Variants in CFAP20DC observed in about 807,000 individuals in gnomAD.
CFAP20DC encodes CFAP20 domain containing, also known as protein CFAP20DC.
In CFAP20DC, 84 loss-of-function variants were observed where a neutral mutation model predicts 101.7. The observed-to-expected ratio is 0.83, with a 90% CI of 0.69 to 0.99. The LOEUF (loss-of-function observed/expected upper bound fraction) is 0.99, where lower values mean the gene tolerates loss of function less well. CFAP20DC is among the 50% of genes least tolerant of loss of function. CFAP20DC has a pLI of 0.00. For missense variants in CFAP20DC, 1,007 were observed against 970.3 expected (o/e 1.04, Z -0.50); for synonymous variants, 359 against 351.2 (o/e 1.02, Z -0.25).
intron 15 of CFAP20DC, among the ~76,000 whole-genome samples, chr3:58,767,511 A>T (rs2070429282): frequency 6.6e-6 from 1 of 152,192 alleles, no homozygotes; most frequent in African/African-American, 2.4e-5. Context: ...TCAAGAAGGG[A>T]TCTTAAAATA....
intron 15 of CFAP20DC, among the ~76,000 whole-genome samples, chr3:58,783,673 G>A (rs573547621): frequency 6.6e-6 from 1 of 151,898 alleles, no homozygotes; most frequent in Non-Finnish European, 1.5e-5. Flanking sequence ...CATACAAACG[G>A]CCAACAGATA....
intron 12 of CFAP20DC, among the ~76,000 whole-genome samples, chr3:58,855,363 A>C (rs1254813183): frequency 6.6e-6 from 1 of 152,174 alleles, no homozygotes; most frequent in East Asian, 1.9e-4. Flanking sequence ...ATGTGGAGAA[A>C]TAGGAACACT....
At chr3:58,847,619 G>A (rs2077793404) in intron 13 of CFAP20DC, among the ~76,000 whole-genome samples, 1 of 151,928 alleles carries the variant, frequency 6.6e-6, no homozygotes, top group Non-Finnish European at 1.5e-5. Flanking sequence ...CCATTCCTCA[G>A]GGATCTAGAA....
intron 5 of CFAP20DC, among the ~76,000 whole-genome samples, chr3:58,927,830 A>G (rs1188337021): frequency 1.3e-5 from 2 of 152,158 alleles, no homozygotes; most frequent in African/African-American, 4.8e-5. Context: ...TCTCTGGAGA[A>G]ATTTCCCCTA....
chr3:58,842,189 G>A (rs77225893), intron 13 of CFAP20DC, among the ~76,000 whole-genome samples: 8,505 of 152,138 alleles, frequency 0.056, 508 homozygotes, highest in East Asian at 0.35. Context: ...GAACAGCTCC[G>A]GTCTACAGCT....
chr3:58,809,085 A>G (rs2074375033), intron 14 of CFAP20DC, among the ~76,000 whole-genome samples: 1 of 152,138 alleles, frequency 6.6e-6, no homozygotes, highest in Non-Finnish European at 1.5e-5. Flanking sequence ...GTGACCTACA[A>G]AGAGACTTAG....
At chr3:58,840,402 A>G (rs1575845415) in intron 13 of CFAP20DC, among the ~76,000 whole-genome samples, 3 of 152,324 alleles carry the variant, frequency 2.0e-5, no homozygotes, top group Admixed American at 1.3e-4. Context: ...ACACATCTGC[A>G]ATTTAGCTGT....
chr3:58,742,491 G>A lies in CFAP20DC; in HGVS notation c.2414C>T (p.Pro805Leu). 1 of 1,606,840 alleles carries A rather than the reference G, an allele frequency of 6.2e-7. No homozygotes were observed. The highest frequency in any genetic ancestry group is 1.1e-5 in the South Asian group (1 of 89,534). ...CAACTCATAGTATTTCCCTGTTTGG[G>A]GGTCAAAGTAACAGTTCAGACAAGG... ...YDPCLNCYFDPQTGKYYELV is the reference protein window; with the variant it reads ...YDPCLNCYFDLQTGKYYELV Residue 805 changes from proline to leucine, a missense_variant, in exon 17 of 17, where the codon CCC (proline) becomes CTC (leucine). Coordinates refer to ENST00000482387, the MANE Select transcript of CFAP20DC (RefSeq NM_001394063.1).
At chr3:58,942,155 A>G (rs2088697440) in intron 4 of CFAP20DC, among the ~76,000 whole-genome samples, 1 of 152,178 alleles carries the variant, frequency 6.6e-6, no homozygotes, top group Non-Finnish European at 1.5e-5. Context: ...CTGTCTATAT[A>G]TTTAATTATA....
chr3:58,996,342 G>A (rs911198468), intron 4 of CFAP20DC, among the ~76,000 whole-genome samples: 3 of 152,110 alleles, frequency 2.0e-5, no homozygotes, highest in South Asian at 2.1e-4. Flanking sequence ...TAGGCTTCAC[G>A]TAACAACCCA....
At position 58,742,455 on chromosome 3, in the gene CFAP20DC, A is replaced by G; in HGVS notation, c.*5T>C. 1 of 1,591,268 alleles carries G rather than the reference A, an allele frequency of 6.3e-7. No individual in the cohort carries two copies. The highest frequency in any genetic ancestry group is 8.6e-7 in the Non-Finnish European group (1 of 1,168,650). On this transcript the variant is annotated 3_prime_UTR_variant, in exon 17 of 17. Transcript: ENST00000482387. ...AGTGCCTGCTCTCTGCCCCGGAAGG[A>G]GGCATTATACCAACTCATAGTATTT...
At chr3:58,958,613 C>T (rs1262957448) in intron 4 of CFAP20DC, among the ~76,000 whole-genome samples, 4 of 152,298 alleles carry the variant, frequency 2.6e-5, no homozygotes, top group South Asian at 2.1e-4. Context: ...CACATCCTCA[C>T]CAACACCTGA....
Position 58,812,561 on chromosome 3 carries a change from G to A in CFAP20DC, c.2176-6105C>T, listed in dbSNP as rs547714696. On this transcript the variant is annotated intron_variant, in intron 14 of 16. Coordinates refer to ENST00000482387, the MANE Select transcript of CFAP20DC (RefSeq NM_001394063.1). ...CACAGTCTGGGGACTGTTGTGGGGT[G>A]GGGGGAGCGGGGAGGGATAGCATTA... is the stretch of plus-strand genomic sequence containing the variant. Among the ~76,000 whole-genome samples, 16 of 151,632 alleles carry A rather than the reference G, an allele frequency of 1.1e-4. 1 individual carries two copies. The highest frequency in any genetic ancestry group is 3.2e-4 in the African/African-American group (13 of 41,036).
At chr3:58,877,275 A>T (rs866261796) in intron 7 of CFAP20DC, among the ~76,000 whole-genome samples, 1 of 152,190 alleles carries the variant, frequency 6.6e-6, no homozygotes, top group African/African-American at 2.4e-5. Context: ...GGACACAGCC[A>T]CCTCCTTCAA....
chr3:58,783,610 T>C (rs2072042914), intron 15 of CFAP20DC, among the ~76,000 whole-genome samples: 1 of 151,808 alleles, frequency 6.6e-6, no homozygotes, highest in Admixed American at 6.6e-5. Flanking sequence ...GAAACCAAAT[T>C]ATCCCATTAA....
Position 58,717,475 on chromosome 3 carries a change from T to C in CFAP20DC, c.*113A>G, listed in dbSNP as rs1024460396. 3.2e-6 allele frequency: 1 copy of C among 309,176 alleles called. No homozygotes were observed. The highest frequency in any genetic ancestry group is 6.5e-6 in the Non-Finnish European group (1 of 153,520). The allele number at this position is 309,176 out of a possible 1,614,324, so 19.2% of individuals were successfully genotyped here. The stretch of plus-strand genomic sequence containing the variant: ...ACAAAAGATGCTTATTCTTCTCATG[T>C]GAAATGTGTTCTGGAAACTGTAGTT... On this transcript the variant is annotated 3_prime_UTR_variant, in exon 4 of 4. Transcript: ENST00000486145. The surrounding 1 kb of genome is among the most constrained non-coding windows in gnomAD (Gnocchi z 4.1).
intron 4 of CFAP20DC, among the ~76,000 whole-genome samples, chr3:58,957,839 T>C (rs1340065073): frequency 3.3e-5 from 5 of 152,136 alleles, no homozygotes; most frequent in Non-Finnish European, 7.4e-5. Context: ...GGATAGTTAC[T>C]AGAGGCTGGG....
At position 58,813,499 on chromosome 3, in the gene CFAP20DC, T is replaced by G. The variant is rs115080403; in HGVS notation, c.2176-7043A>C. Among the ~76,000 whole-genome samples, 1,192 of 152,024 alleles carry G rather than the reference T, an allele frequency of 7.8e-3. 35 individuals are homozygous for G. The highest frequency in any genetic ancestry group is 0.028 in the African/African-American group (1,157 of 41,330). Reference sequence around the variant, plus strand: ...ACTTCCAAACCCAGTGGGGTTGGTGTTAAGGGTTTCTCACCCATCATAATG... The same window carrying G: ...ACTTCCAAACCCAGTGGGGTTGGTGGTAAGGGTTTCTCACCCATCATAATG... On this transcript the variant is annotated intron_variant, in intron 14 of 16. Coordinates refer to ENST00000482387, the MANE Select transcript of CFAP20DC (RefSeq NM_001394063.1).
chr3:58,895,958 C>T (rs936259028), intron 6 of CFAP20DC, among the ~76,000 whole-genome samples: 1 of 152,164 alleles, frequency 6.6e-6, no homozygotes, highest in Non-Finnish European at 1.5e-5. Flanking sequence ...ACAAGAACGA[C>T]CTGCCCCCAT....
Sources: gnomAD v4.1 joint callset for allele counts (sites outside exome capture counted in the v4.1 genomes callset) on GRCh38, gnomAD v4.1.1 for gene constraint, Gnocchi (gnomAD v3.1) non-coding constraint, MANE v1.5 for transcripts, NCBI Gene and HGNC (gene_info 2026-07-23, HGNC 2026-07-21) for gene names.